The following ABCA6 variants were observed in gnomAD, a reference collection of about 807,000 sequenced individuals.
ABCA6 encodes the protein ATP-binding cassette sub-family A member 6.
ABCA6 carries 164 observed loss-of-function variants against 191.2 expected under a neutral mutation model. The observed-to-expected ratio is 0.86, with a 90% confidence interval of 0.76 to 0.98. The LOEUF (loss-of-function observed/expected upper bound fraction) is 0.98, where lower values mean the gene tolerates loss of function less well. Ranked by LOEUF, ABCA6 falls within the 50% of genes least tolerant of loss-of-function variation. The pLI is 0.00. For missense variants in ABCA6, 1,958 were observed against 1,894.1 expected (o/e 1.03, Z -0.63); for synonymous variants, 636 against 647.7 (o/e 0.98, Z 0.27).
intron 2 of ABCA6, among the ~76,000 whole-genome samples, chr17:69,138,496 A>G (rs920145176): frequency 3.9e-5 from 6 of 152,242 alleles, no homozygotes; most frequent in South Asian, 2.1e-4. Context: ...GGAAGAATCA[A>G]TATCGTGAAA....
chr17:69,134,508 C>T, intron 5 of ABCA6, 131 bp downstream of exon 5: 1 of 672,342 alleles, frequency 1.5e-6, no homozygotes, highest in South Asian at 1.9e-5. Flanking sequence ...CTGTCCTTTA[C>T]AAATTACCCA....
rs1218396726 is a variant in ABCA6 at position 69,113,348 on chromosome 17, C to A, written c.1915G>T (p.Asp639Tyr). The A allele has an allele frequency of 5.0e-6, 8 of 1,591,846 alleles. No individual in the cohort carries two copies. The highest frequency in any genetic ancestry group is 6.0e-6 in the Non-Finnish European group (7 of 1,174,678). Residue 639 changes from aspartate to tyrosine, a missense_variant, in exon 15 of 39, where the codon GAT becomes TAT. Physicochemically the swap from Asp to Tyr is radical, Grantham distance 160 (BLOSUM62 -3). Coordinates refer to ENST00000284425, the MANE Select transcript of ABCA6 (RefSeq NM_080284.3). ...GGATCCAATCCAGTAGTTGGTTCATCTAAAAGCAAAATCTACAGAGAATGA... is the reference window on the plus strand; with the variant it reads ...GGATCCAATCCAGTAGTTGGTTCATATAAAAGCAAAATCTACAGAGAATGA... ...ILGDPQILLL[D>Y]EPTTGLDPFS...
chr17:69,086,292 C>T (rs1478744862), intron 30 of ABCA6, among the ~76,000 whole-genome samples: 2 of 152,060 alleles, frequency 1.3e-5, no homozygotes, highest in African/African-American at 4.8e-5. Context: ...AAAGCTGTAC[C>T]TAATCTGGCG....
At chr17:69,131,892 T>C (rs1210599900) in intron 6 of ABCA6, among the ~76,000 whole-genome samples, 1 of 152,170 alleles carries the variant, frequency 6.6e-6, no homozygotes, top group East Asian at 1.9e-4. Flanking sequence ...AGGGACACTG[T>C]CCCATAGGAC....
Position 69,082,964 on chromosome 17 carries a change from T to G in ABCA6, c.4525A>C (p.Ile1509Leu). 6.2e-7 allele frequency: 1 copy of G among 1,614,200 alleles called. No individual in the cohort carries two copies. ...HLKNKLGKDY[I>L]LELKVKETSQ... ...GTTTCCTTCACTTTTAGCTCTAGAA[T>G]GTAATCCTTGCCAAGTTTGTTTTTC... Residue 1509 changes from isoleucine to leucine, a missense_variant, in exon 36 of 39, where the codon ATT becomes CTT. Transcript: ENST00000284425.
rs772725298 is a variant in ABCA6, at chr17:69,129,751, C to T, written c.792G>A (p.Trp264Ter). 5 of 1,566,252 alleles carry T rather than the reference C, an allele frequency of 3.2e-6. No individual in the cohort carries two copies. In the Admixed American group the frequency reaches 6.2e-5, roughly 19 times the overall value. ...CAGCATAGATTAGACCCCAGGAGAG[C>T]CTAAATAAAGACAAAAAGTTATATA... ...KMMGLQDSAF[W>*]LSWGLIYAGF... The change falls in exon 7 of 39, where the codon TGG (tryptophan) becomes TGA (stop). Residue 264 changes from tryptophan (W) to a stop codon, truncating the protein, a stop_gained and splice_region_variant. Transcript: ENST00000284425. LOFTEE classifies it high-confidence loss of function.
chr17:69,100,709 A>C, intron 22 of ABCA6, 88 bp downstream of exon 22: 1 of 1,286,122 alleles, frequency 7.8e-7, no homozygotes, highest in Non-Finnish European at 1.0e-6. Flanking sequence ...CTTAACAATC[A>C]CTTATGGATA....
At chr17:69,083,903 A>G (rs2072704563) in intron 34 of ABCA6, among the ~76,000 whole-genome samples, 1 of 152,214 alleles carries the variant, frequency 6.6e-6, no homozygotes, top group African/African-American at 2.4e-5. Context: ...GAAAAAAAAC[A>G]AACAGGAAAA....
intron 22 of ABCA6, chr17:69,098,313 A>G (rs2073095594): frequency 3.2e-6 from 1 of 308,718 alleles, no homozygotes; most frequent in South Asian, 1.0e-4. Flanking sequence ...AACAATACTC[A>G]CAAGTGGAAG....
chr17:69,095,734 G>C (rs145645612), intron 25 of ABCA6, among the ~76,000 whole-genome samples: 129 of 152,282 alleles, frequency 8.5e-4, no homozygotes, highest in Middle Eastern at 3.4e-3. Context: ...CTGAAGTGTA[G>C]GACTCAGGGC....
intron 18 of ABCA6, 102 bp from the exon 19 acceptor site, chr17:69,106,313 C>T: frequency 1.7e-6 from 2 of 1,169,438 alleles, no homozygotes; most frequent in Non-Finnish European, 2.3e-6. Context: ...TATTACATGG[C>T]CAGGCATGGT....
intron 11 of ABCA6, 73 bp from the exon 12 acceptor site, chr17:69,115,559 A>G: frequency 2.0e-6 from 2 of 1,016,052 alleles, no homozygotes; most frequent in East Asian, 5.0e-5. Flanking sequence ...CCTGGTCCCA[A>G]CATAGAACAA....
At chr17:69,084,990 G>A (rs750257002) in intron 32 of ABCA6, 38 bp downstream of exon 32, 2 of 1,565,868 alleles carry the variant, frequency 1.3e-6, no homozygotes, top group Non-Finnish European at 1.7e-6. Context: ...CAGTCTCCCT[G>A]CATTCTGACA....
At chr17:69,083,696 A>C (rs1049981083) in intron 34 of ABCA6, among the ~76,000 whole-genome samples, 2 of 152,240 alleles carry the variant, frequency 1.3e-5, no homozygotes, top group Non-Finnish European at 2.9e-5. Context: ...ATGGATTCAT[A>C]AGCGATTCTC....
intron 36 of ABCA6, among the ~76,000 whole-genome samples, chr17:69,082,328 A>AACAC (rs61523425): frequency 2.7e-3 from 394 of 144,902 alleles, no homozygotes; most frequent in East Asian, 3.8e-3. Flanking sequence ...GACATACACA[A>AACAC]ACACACACAC....
chr17:69,121,939 T>G (rs538183031), intron 10 of ABCA6, among the ~76,000 whole-genome samples: 5 of 152,074 alleles, frequency 3.3e-5, no homozygotes, highest in East Asian at 3.9e-4. Context: ...CTCAGAAAAC[T>G]TAAACGGAAA....
intron 36 of ABCA6, 130 bp downstream of exon 36, chr17:69,082,743 A>G: frequency 7.3e-7 from 1 of 1,367,896 alleles, no homozygotes; most frequent in Admixed American, 2.2e-5. Flanking sequence ...GGAATACTGA[A>G]CAAATCCTTT....
Position 69,128,764 on chromosome 17 carries a change from G to A in ABCA6, c.974C>T (p.Ala325Val), listed in dbSNP as rs1242476804. 6.2e-7 allele frequency: 1 copy of A among 1,610,258 alleles called. No homozygotes were observed. The highest frequency in any genetic ancestry group is 2.2e-5 in the East Asian group (1 of 44,712). The change falls in exon 8 of 39, where the codon GCT (alanine) becomes GTT (valine). Residue 325 changes from alanine (A) to valine (V), a missense_variant. Coordinates refer to ENST00000284425, the MANE Select transcript of ABCA6 (RefSeq NM_080284.3). ...AAACACAACCAAATTGGTGAGGACA[G>A]CTTTCTTTAACAGCACACTCATCAG... is the stretch of plus-strand genomic sequence containing the variant. ...VFLMSVLLKK[A>V]VLTNLVVFLL...
rs760386560 is a variant in ABCA6 at position 69,096,370 on chromosome 17, T to C, written c.3295-17A>G. The C allele has an allele frequency of 3.1e-6, 4 of 1,302,270 alleles. No homozygotes were observed. The South Asian group carries it at 7.0e-5, about 23-fold the overall frequency. The allele number at this position is 1,302,270 out of a possible 1,614,324, so 80.7% of individuals were successfully genotyped here. On this transcript the variant is annotated splice_polypyrimidine_tract_variant and intron_variant, in intron 24 of 38. Coordinates refer to ENST00000284425, the MANE Select transcript of ABCA6 (RefSeq NM_080284.3). The stretch of plus-strand genomic sequence containing the variant: ...AACTATAACCTGAGCATAAAAGAAA[T>C]AATAACATAGTCAAAAAATCAAATA...
Sources: gnomAD v4.1 joint callset for allele counts (sites outside exome capture counted in the v4.1 genomes callset) on GRCh38, gnomAD v4.1.1 for gene constraint, MANE v1.5 for transcripts, NCBI Gene and HGNC (gene_info 2026-07-23, HGNC 2026-07-21) for gene names.